Variants in PALM2AKAP2 observed in about 807,000 individuals in gnomAD.
PALM2AKAP2 encodes the protein PALM2-AKAP2 fusion protein.
PALM2AKAP2 carries 37 observed loss-of-function variants against 71.5 expected under a neutral mutation model. That is an observed-to-expected ratio of 0.52 (90% CI 0.40 to 0.68). The LOEUF (loss-of-function observed/expected upper bound fraction) is 0.68, where lower values mean the gene tolerates loss of function less well. Among genes scored for constraint, PALM2AKAP2 ranks in the 30% least tolerant of loss-of-function variants. The pLI is 0.00. For missense variants in PALM2AKAP2, 1,224 were observed against 1,191.8 expected (o/e 1.03, Z -0.40); for synonymous variants, 468 against 478.8 (o/e 0.98, Z 0.29).
chr9:109,876,493 T>G (rs564504017), intron 2 of PALM2AKAP2, among the ~76,000 whole-genome samples: 2 of 152,174 alleles, frequency 1.3e-5, no homozygotes, highest in Admixed American at 1.3e-4. Context: ...TCTTTCTTTT[T>G]TTTGAGACAG....
At chr9:109,896,145 A>G (rs941120623) in intron 3 of PALM2AKAP2, among the ~76,000 whole-genome samples, 3 of 152,170 alleles carry the variant, frequency 2.0e-5, no homozygotes, top group African/African-American at 7.2e-5. Flanking sequence ...AGATCACACC[A>G]TTGCACTCCA....
chr9:109,831,237 C>T (rs899518379), intron 1 of PALM2AKAP2, among the ~76,000 whole-genome samples: 2 of 151,980 alleles, frequency 1.3e-5, no homozygotes, highest in Non-Finnish European at 2.9e-5. Context: ...TCCCTTCTCC[C>T]TCCCACTTAT....
intron 1 of PALM2AKAP2, among the ~76,000 whole-genome samples, chr9:109,758,040 TC>T (rs2118727493): frequency 6.6e-6 from 1 of 152,178 alleles, no homozygotes; most frequent in South Asian, 2.1e-4. Flanking sequence ...GGCATATCTT[TC>T]CAGGGATAGT....
intron 6 of PALM2AKAP2, among the ~76,000 whole-genome samples, chr9:109,999,460 C>A (rs1430399662): frequency 1.3e-5 from 2 of 152,044 alleles, no homozygotes; most frequent in African/African-American, 4.8e-5. Flanking sequence ...GTGGTTCCTG[C>A]CTCTCCAGTT....
intron 6 of PALM2AKAP2, among the ~76,000 whole-genome samples, chr9:110,003,067 C>T (rs555478442): frequency 4.6e-5 from 7 of 152,288 alleles, no homozygotes; most frequent in Admixed American, 2.0e-4. Context: ...TTCTTGCCTT[C>T]GGCTAGCTTT....
At chr9:110,121,565 A>C (rs1200112581) in intron 1 of PALM2AKAP2, among the ~76,000 whole-genome samples, 1 of 152,158 alleles carries the variant, frequency 6.6e-6, no homozygotes, top group East Asian at 1.9e-4. Context: ...GCTGGCTCTT[A>C]ACTGTGTTTG....
intron 2 of PALM2AKAP2, among the ~76,000 whole-genome samples, chr9:109,877,738 G>A (rs1350810269): frequency 6.6e-6 from 1 of 152,166 alleles, no homozygotes; most frequent in African/African-American, 2.4e-5. Context: ...TCAGTGAGGC[G>A]AAGGAGCCTG....
chr9:109,827,615 G>T (rs1828189258), intron 1 of PALM2AKAP2, among the ~76,000 whole-genome samples: 1 of 151,714 alleles, frequency 6.6e-6, no homozygotes, highest in Non-Finnish European at 1.5e-5. Flanking sequence ...TCTAAAAAAA[G>T]AAAAAAAATT....
intron 1 of PALM2AKAP2, among the ~76,000 whole-genome samples, chr9:109,728,723 T>G (rs1052390780): frequency 1.3e-5 from 2 of 152,096 alleles, no homozygotes; most frequent in Non-Finnish European, 2.9e-5. Context: ...TGCAGAAAAA[T>G]AGTTCAAATT....
chr9:109,868,050 C>T (rs1358530700), intron 2 of PALM2AKAP2, among the ~76,000 whole-genome samples: 1 of 152,124 alleles, frequency 6.6e-6, no homozygotes, highest in Non-Finnish European at 1.5e-5. Context: ...AAGAACAACA[C>T]TGTGTATTTC....
chr9:109,740,191 T>C (rs1358799870), intron 1 of PALM2AKAP2, among the ~76,000 whole-genome samples: 1 of 152,230 alleles, frequency 6.6e-6, no homozygotes, highest in East Asian at 1.9e-4. Context: ...GGGTATTTAC[T>C]ACATGCCAGG....
intron 3 of PALM2AKAP2, among the ~76,000 whole-genome samples, chr9:110,158,628 G>A (rs1010016949): frequency 5.3e-5 from 8 of 152,148 alleles, no homozygotes; most frequent in African/African-American, 1.7e-4. Context: ...TGGAATCAGC[G>A]TTTTAATATG....
chr9:109,844,931 A>ATATGTG (rs1554720008), intron 1 of PALM2AKAP2, among the ~76,000 whole-genome samples: 3 of 149,308 alleles, frequency 2.0e-5, no homozygotes, highest in East Asian at 2.0e-4. Flanking sequence ...CCAGAAAATG[A>ATATGTG]TGTGTGTGTG....
chr9:109,907,560 G>A (rs541837435), intron 3 of PALM2AKAP2, among the ~76,000 whole-genome samples: 2 of 152,310 alleles, frequency 1.3e-5, no homozygotes, highest in Admixed American at 1.3e-4. Context: ...CTGAGAGGAA[G>A]GGGTAGGGTT....
chr9:109,921,701 G>A (rs1830833703), intron 3 of PALM2AKAP2, among the ~76,000 whole-genome samples: 1 of 152,112 alleles, frequency 6.6e-6, no homozygotes, highest in African/African-American at 2.4e-5. Context: ...AAAGACATGG[G>A]GTACATGTGG....
chr9:109,755,870 C>T (rs865945614), intron 1 of PALM2AKAP2, among the ~76,000 whole-genome samples: 55 of 152,174 alleles, frequency 3.6e-4, no homozygotes, highest in African/African-American at 1.3e-3. Context: ...ACAGAGTAAT[C>T]ATCATCAATA....
chr9:109,898,997 G>T (rs772470525), intron 3 of PALM2AKAP2, among the ~76,000 whole-genome samples: 13 of 152,124 alleles, frequency 8.5e-5, no homozygotes, highest in Non-Finnish European at 1.9e-4. Flanking sequence ...GTGCTTTGAG[G>T]TTCTTGACTT....
intron 1 of PALM2AKAP2, among the ~76,000 whole-genome samples, chr9:109,669,267 C>CTT (rs61041280): frequency 6.7e-6 from 1 of 149,912 alleles, no homozygotes; most frequent in Admixed American, 6.6e-5. Flanking sequence ...TTTGTTTTTC[C>CTT]TTTTTTTTTC....
chr9:109,647,510 A>T (rs1827171169), intron 1 of PALM2AKAP2, among the ~76,000 whole-genome samples: 1 of 152,206 alleles, frequency 6.6e-6, no homozygotes, highest in Non-Finnish European at 1.5e-5. Context: ...ATTTTGTTAG[A>T]TATTGCCCAG....
Sources: allele counts gnomAD v4.1 joint callset (sites outside exome capture counted in the v4.1 genomes callset), GRCh38; gene constraint gnomAD v4.1.1; transcripts MANE v1.5; gene names NCBI Gene and HGNC (gene_info 2026-07-23, HGNC 2026-07-21).